The following CREG2 variants were observed in gnomAD, a reference collection of about 807,000 sequenced individuals.
CREG2 encodes the protein cellular repressor of E1A stimulated genes 2.
Under a neutral mutation model 26.2 loss-of-function variants are expected in CREG2, and 24 were observed. The ratio of observed to expected loss-of-function variants is 0.92; its 90% confidence interval spans 0.66 to 1.29. The LOEUF (loss-of-function observed/expected upper bound fraction) is 1.29. CREG2 is among the 50% of genes most tolerant of loss of function. CREG2 has a pLI of 0.00. For synonymous variants in CREG2, 174 were observed against 169.2 expected (o/e 1.03, Z -0.22); for missense variants, 366 against 398.6 (o/e 0.92, Z 0.70).
Position 101,387,223 on chromosome 2 carries a change from G to T in CREG2, c.235C>A (p.His79Asn). The part of the protein sequence containing the change: ...IWQQSFPASA[H>N]KEDAHLRPRA... ...GGCCGCAGGTGCGCGTCCTCCTTGT[G>T]GGCAGAGGCGGGGAAGCTTTGCTGC... Residue 79 changes from histidine to asparagine, a missense_variant, in exon 1 of 4, where the codon CAC becomes AAC. His to Asn is a moderately conservative substitution (Grantham distance 68). Around this residue, in one of 3 missense-constraint regions of CREG2, gnomAD observed 177 missense variants for 183.3 expected, o/e 0.97. Coordinates refer to ENST00000324768, the MANE Select transcript of CREG2 (RefSeq NM_153836.4). The surrounding 1 kb of genome is among the most constrained non-coding windows in gnomAD (Gnocchi z 4.7). 7.0e-7 allele frequency: 1 copy of T among 1,423,412 alleles called. No homozygotes were observed. Among genetic ancestry groups the T allele is most frequent in the Non-Finnish European group, 9.3e-7 (1 of 1,076,116 alleles). 88.2% of individuals were successfully genotyped at this position (1,423,412 alleles called of 1,614,324 possible). A position where few individuals can be genotyped will look rare whatever the true frequency, so the allele number is the denominator to read the frequency against.
chr2:101,371,597 G>A (rs1019911219), intron 2 of CREG2, among the ~76,000 whole-genome samples: 28 of 152,232 alleles, frequency 1.8e-4, no homozygotes, highest in Admixed American at 3.3e-4. Context: ...GATGGCCAGG[G>A]CCCTTCCAGG....
intron 2 of CREG2, among the ~76,000 whole-genome samples, chr2:101,362,114 A>G (rs753862635): frequency 1.1e-4 from 16 of 152,176 alleles, no homozygotes; most frequent in Non-Finnish European, 4.4e-5. Flanking sequence ...AAATTTGGTC[A>G]CGAAAGCTCA....
At chr2:101,370,510 A>G (rs1342014616) in intron 2 of CREG2, among the ~76,000 whole-genome samples, 1 of 152,216 alleles carries the variant, frequency 6.6e-6, no homozygotes, top group Non-Finnish European at 1.5e-5. Context: ...CCAGGCAGAT[A>G]TTAATGGGAG....
At chr2:101,376,819 A>G (rs1396130338) in intron 2 of CREG2, among the ~76,000 whole-genome samples, 1 of 152,226 alleles carries the variant, frequency 6.6e-6, no homozygotes, top group Non-Finnish European at 1.5e-5. Flanking sequence ...AGAGGGAAAT[A>G]CTGTTAATTC....
intron 2 of CREG2, among the ~76,000 whole-genome samples, chr2:101,361,341 A>G (rs990165042): frequency 6.6e-6 from 1 of 152,174 alleles, no homozygotes; most frequent in African/African-American, 2.4e-5. Context: ...TACATGGCAA[A>G]GAGGAAGTCG....
At chr2:101,377,202 T>C (rs1468086982) in intron 2 of CREG2, among the ~76,000 whole-genome samples, 1 of 151,016 alleles carries the variant, frequency 6.6e-6, no homozygotes, top group Non-Finnish European at 1.5e-5. Flanking sequence ...TGAAAAGAAA[T>C]TTTTTTAAAC....
At chr2:101,377,944 A>C (rs937529021) in intron 2 of CREG2, among the ~76,000 whole-genome samples, 1 of 152,264 alleles carries the variant, frequency 6.6e-6, no homozygotes, top group Non-Finnish European at 1.5e-5. Context: ...TTAATTGTCA[A>C]ATAAAGATTG....
chr2:101,361,243 A>G (rs1684535246), intron 2 of CREG2, among the ~76,000 whole-genome samples: 1 of 152,262 alleles, frequency 6.6e-6, no homozygotes, highest in Non-Finnish European at 1.5e-5. Context: ...TAAACTTGGT[A>G]TCACTTCCTT....
Position 101,348,408 on chromosome 2 carries a change from T to G in CREG2, c.*2515A>C, listed in dbSNP as rs1448160313. On this transcript the variant is annotated 3_prime_UTR_variant, in exon 4 of 4. Coordinates refer to ENST00000324768, the MANE Select transcript of CREG2 (RefSeq NM_153836.4). ...TGGGGAGAACTGATATCTTTACTGT[T>G]TGTATCTTCCAATCCAAGAACATGG... 2.0e-5 allele frequency: 3 copies of G among 152,228 alleles called. No homozygotes were observed. The highest frequency in any genetic ancestry group is 2.9e-5 in the Non-Finnish European group (2 of 68,032). The allele number at this position is 152,228 out of a possible 1,614,324, so 9.4% of individuals were successfully genotyped here.
chr2:101,354,738 A>C (rs774006653), intron 3 of CREG2, among the ~76,000 whole-genome samples: 27 of 152,240 alleles, frequency 1.8e-4, no homozygotes, highest in Admixed American at 7.2e-4. Flanking sequence ...AAACTTTAGC[A>C]TGCATATCAA....
chr2:101,360,739 G>GAA (rs201357877), intron 2 of CREG2, among the ~76,000 whole-genome samples: 11 of 123,394 alleles, frequency 8.9e-5, no homozygotes, highest in African/African-American at 3.0e-4. Context: ...CTCAGTCTCA[G>GAA]AAAAAAAAAA....
chr2:101,376,966 T>A (rs929836199), intron 2 of CREG2, among the ~76,000 whole-genome samples: 12 of 152,202 alleles, frequency 7.9e-5, no homozygotes, highest in African/African-American at 2.7e-4. Flanking sequence ...AATTTCTAAA[T>A]CCTAGGAAGA....
chr2:101,380,309 T>A (rs1684852959), intron 2 of CREG2, among the ~76,000 whole-genome samples: 1 of 152,234 alleles, frequency 6.6e-6, no homozygotes, highest in Non-Finnish European at 1.5e-5. Context: ...GGCTGTATCC[T>A]TGGTGGAGAT....
chr2:101,386,164 G>C (rs1684963931), intron 1 of CREG2, among the ~76,000 whole-genome samples: 3 of 152,220 alleles, frequency 2.0e-5, no homozygotes, highest in African/African-American at 7.2e-5. Context: ...TTATAGACGA[G>C]GAAAGCAAAG....
Position 101,347,066 on chromosome 2 carries a change from T to A in CREG2, c.*3857A>T, listed in dbSNP as rs1684318502. 6.6e-6 allele frequency: 1 copy of A among 152,238 alleles called. No homozygotes were observed. The highest frequency in any genetic ancestry group is 2.4e-5 in the African/African-American group (1 of 41,462). The allele number at this position is 152,238 out of a possible 1,614,324, so 9.4% of individuals were successfully genotyped here. A position where few individuals can be genotyped will look rare whatever the true frequency, so the allele number is the denominator to read the frequency against. On this transcript the variant is annotated 3_prime_UTR_variant, in exon 4 of 4. Transcript: ENST00000324768. ...ATTTCAAAATGTTATGTAAATGGAA[T>A]CATACAGTGTGCAAACTTTTATGAT...
chr2:101,382,479 A>C, intron 2 of CREG2: 4 of 982,186 alleles, frequency 4.1e-6, no homozygotes, highest in Non-Finnish European at 3.6e-6. Context: ...CTGGAAATGT[A>C]CTTCTAGTAA....
intron 1 of CREG2, among the ~76,000 whole-genome samples, chr2:101,386,747 G>A (rs1298806344): frequency 1.3e-5 from 2 of 152,126 alleles, no homozygotes; most frequent in African/African-American, 2.4e-5. Flanking sequence ...TCTCTGCCTG[G>A]CCACCTCAAG....
At chr2:101,371,381 G>A (rs1684704620) in intron 2 of CREG2, among the ~76,000 whole-genome samples, 2 of 152,180 alleles carry the variant, frequency 1.3e-5, no homozygotes. Context: ...TTGAATGGGT[G>A]ATTCATTTAA....
chr2:101,380,177 A>G (rs1684850980), intron 2 of CREG2, among the ~76,000 whole-genome samples: 1 of 152,214 alleles, frequency 6.6e-6, no homozygotes, highest in Non-Finnish European at 1.5e-5. Flanking sequence ...TATAGATACA[A>G]TTGTTTGGCA....
Sources: gnomAD v4.1 joint callset for allele counts (sites outside exome capture counted in the v4.1 genomes callset) on GRCh38, gnomAD v4.1.1 for gene constraint, gnomAD v4.1.1 regional missense constraint, Gnocchi (gnomAD v3.1) non-coding constraint, MANE v1.5 for transcripts, NCBI Gene and HGNC (gene_info 2026-07-23, HGNC 2026-07-21) for gene names.